The following CAPN15 variants were observed in gnomAD, a reference collection of about 807,000 sequenced individuals.
The protein encoded by CAPN15 is calpain-15.
Under a neutral mutation model 97.9 loss-of-function variants are expected in CAPN15, and 53 were observed. The ratio of observed to expected loss-of-function variants is 0.54; its 90% CI spans 0.43 to 0.68. CAPN15 has a LOEUF of 0.68. Ranked by LOEUF, CAPN15 falls within the 30% of genes least tolerant of loss-of-function variation. The pLI is 0.00. For synonymous variants in CAPN15, 922 were observed against 722.5 expected (o/e 1.28, Z -4.43); for missense variants, 1,592 against 1,589.8 (o/e 1.00, Z -0.02).
intron 4 of CAPN15, 120 bp downstream of exon 4, chr16:548,407 G>C (rs1047746578): frequency 9.6e-7 from 1 of 1,039,130 alleles, no homozygotes; most frequent in South Asian, 1.8e-5. Context: ...GACGTGATGG[G>C]GAGGGCAGCA....
In CAPN15 at chr16:547,428, C is replaced by T. The variant is rs1364250372; in HGVS notation, c.590C>T (p.Pro197Leu). The stretch of plus-strand genomic sequence containing the variant: ...GCCCCGGCCGGCTTCCACGTCGTGC[C>T]TGCCGCGCCTCCACCTGGCCTCCCC... Reference protein sequence around the residue: ...VVAPAGFHVVPAAPPPGLPGE... With the variant: ...VVAPAGFHVVLAAPPPGLPGE... The change falls in exon 4 of 14, where the codon CCT becomes CTT. Residue 197 changes from proline to leucine, a missense_variant. Pro to Leu is a moderately conservative substitution (Grantham distance 98). Transcript: ENST00000219611. 5.1e-6 allele frequency: 8 copies of T among 1,579,296 alleles called. No homozygotes were observed. Among genetic ancestry groups the T allele is most frequent in the Non-Finnish European group, 1.7e-6 (2 of 1,170,322 alleles).
intron 9 of CAPN15, 110 bp from the exon 10 acceptor site, chr16:551,941 C>G: frequency 2.4e-6 from 3 of 1,236,980 alleles, no homozygotes; most frequent in Non-Finnish European, 3.5e-6. Context: ...AGGACGGTGA[C>G]GGAGCAGCTG....
chr16:534,392 C>T (rs977474712), intron 2 of CAPN15, among the ~76,000 whole-genome samples: 8 of 152,300 alleles, frequency 5.3e-5, no homozygotes, highest in Non-Finnish European at 7.4e-5. Flanking sequence ...CCCTGGGGAG[C>T]GGCCTGCACC....
Position 552,017 on chromosome 16 carries a change from T to G in CAPN15, c.2346-34T>G. 6.5e-7 allele frequency: 1 copy of G among 1,542,524 alleles called. No homozygotes were observed. Among genetic ancestry groups the G allele is most frequent in the Non-Finnish European group, 8.7e-7 (1 of 1,142,908 alleles). ...TGAGCCACGGAGGTGTGGGCCGTGGTAGGCTCAGGGCCCCGTCCTCCCGCC... is the reference window on the plus strand; with the variant it reads ...TGAGCCACGGAGGTGTGGGCCGTGGGAGGCTCAGGGCCCCGTCCTCCCGCC... On this transcript the variant is annotated intron_variant, in intron 9 of 13. Coordinates refer to ENST00000219611, the MANE Select transcript of CAPN15 (RefSeq NM_005632.3). This position sits in a 1 kb window ranked among gnomAD's most constrained non-coding sequence, Gnocchi z 6.4.
intron 3 of CAPN15, 33 bp downstream of exon 3, chr16:536,175 C>T (rs914596743): frequency 2.5e-5 from 17 of 692,830 alleles, no homozygotes; most frequent in South Asian, 1.3e-4. Flanking sequence ...TCTGGCTGGC[C>T]GCAGCAGGCC....
At chr16:550,645 T>C (rs1166813546) in intron 7 of CAPN15, among the ~76,000 whole-genome samples, 2 of 137,238 alleles carry the variant, frequency 1.5e-5, no homozygotes, top group South Asian at 4.8e-4. Flanking sequence ...TCAGTGAGGG[T>C]TCCCTGTCGG....
At chr16:551,237 C>CCCCGGTCGGTGAGGGT in intron 7 of CAPN15, 65 bp from the exon 8 acceptor site, 1 of 1,358,490 alleles carries the variant, frequency 7.4e-7, no homozygotes, top group Non-Finnish European at 9.7e-7. Context: ...CAGTGAGGGT[C>CCCCGGTCGGTGAGGGT]CCCGGTCGGT....
At position 549,008 on chromosome 16, in the gene CAPN15, G is replaced by A. The variant is rs748393081; in HGVS notation, c.1465G>A (p.Val489Met). 19 of 1,612,598 alleles carry A rather than the reference G, an allele frequency of 1.2e-5. No homozygotes were observed. The highest frequency in any genetic ancestry group is 1.5e-5 in the Non-Finnish European group (18 of 1,179,930). The change falls in exon 5 of 14, where the codon GTG becomes ATG. Residue 489 changes from valine (V) to methionine (M), a missense_variant. Around this residue, in one of 3 missense-constraint regions of CAPN15, gnomAD observed 883 missense variants for 776.6 expected, o/e 1.14. Transcript: ENST00000219611. Reference sequence around the variant, plus strand: ...GTCTCTGCAGAACAATGTGAGCTTCGTGGATGACAGCTTCCCTCCCGGGCC... The same window carrying A: ...GTCTCTGCAGAACAATGTGAGCTTCATGGATGACAGCTTCCCTCCCGGGCC... ...AFCRENNVSF[V>M]DDSFPPGPES...
At chr16:541,790 C>T (rs1253521658) in intron 3 of CAPN15, among the ~76,000 whole-genome samples, 1 of 152,268 alleles carries the variant, frequency 6.6e-6, no homozygotes, top group Non-Finnish European at 1.5e-5. Flanking sequence ...CCCCAGACGG[C>T]CACTGACCGG....
rs775077138 is a variant in CAPN15 at position 547,989 on chromosome 16, G to A, written c.1151G>A (p.Cys384Tyr). 3.2e-6 allele frequency: 5 copies of A among 1,581,832 alleles called. No homozygotes were observed. In the African/African-American group the frequency reaches 4.0e-5, roughly 13 times the overall value. Residue 384 changes from cysteine to tyrosine, a missense_variant, in exon 4 of 14, where the codon TGT (cysteine) becomes TAT (tyrosine). Physicochemically the swap from Cys to Tyr is radical, Grantham distance 194. Transcript: ENST00000219611. ...HGEPPTHCPD[C>Y]GADKPSPCGR... ...GAGCCCCCCACCCACTGCCCCGACTGTGGGGCCGACAAGCCCAGCCCCTGC... is the reference window on the plus strand; with the variant it reads ...GAGCCCCCCACCCACTGCCCCGACTATGGGGCCGACAAGCCCAGCCCCTGC...
chr16:547,374 C>G lies in CAPN15; in HGVS notation c.536C>G (p.Pro179Arg). The G allele has an allele frequency of 6.4e-7, 1 of 1,555,614 alleles. No individual in the cohort carries two copies. Among genetic ancestry groups the G allele is most frequent in the Non-Finnish European group, 8.6e-7 (1 of 1,157,834 alleles). The change falls in exon 4 of 14, where the codon CCT becomes CGT. Residue 179 changes from proline (P) to arginine (R), a missense_variant. Pro to Arg is a moderately radical substitution (Grantham distance 103). This residue lies in a region of CAPN15 where 883 missense variants were observed against 776.6 expected (regional missense o/e 1.14). Transcript: ENST00000219611. ...AGGCTCTCGCTGCCACGGATCCCTC[C>G]TGAGGCCCTGGTGGTCCCGGAAGTG... ...PRRLSLPRIP[P>R]EALVVPEVVA...
At position 549,155 on chromosome 16, in the gene CAPN15, A is replaced by T; in HGVS notation, c.1612A>T (p.Thr538Ser). The T allele has an allele frequency of 6.3e-7, 1 of 1,585,532 alleles. No homozygotes were observed. The highest frequency in any genetic ancestry group is 8.6e-7 in the Non-Finnish European group (1 of 1,166,248). ...DHRATWSVFH[T>S]LRPSDILQGL... is the part of the protein sequence containing the mutation. ...CAGGGCCACGTGGTCTGTGTTCCACACACTGCGGCCCTCAGACATCCTGCA... is the reference window on the plus strand; with the variant it reads ...CAGGGCCACGTGGTCTGTGTTCCACTCACTGCGGCCCTCAGACATCCTGCA... The change falls in exon 5 of 14, where the codon ACA becomes TCA. Residue 538 changes from threonine (T) to serine (S), a missense_variant. By Grantham distance (58) the Thr-to-Ser change is moderately conservative. Transcript: ENST00000219611.
At chr16:550,705 G>A (rs1286475051) in intron 7 of CAPN15, among the ~76,000 whole-genome samples, 1 of 150,018 alleles carries the variant, frequency 6.7e-6, no homozygotes, top group African/African-American at 2.5e-5. Context: ...GTCCCGGTCG[G>A]TGAGGGTCCC....
intron 8 of CAPN15, 26 bp from the exon 9 acceptor site, chr16:551,486 C>T (rs375376131): frequency 6.9e-6 from 11 of 1,603,486 alleles, no homozygotes; most frequent in Non-Finnish European, 8.5e-6. Flanking sequence ...CAGTGTGGTT[C>T]AGATCCTCAC....
rs2034722158 is a variant in CAPN15, at chr16:548,016, G to A, written c.1178G>A (p.Gly393Asp). The A allele has an allele frequency of 6.4e-7, 1 of 1,573,150 alleles. No homozygotes were observed. Among genetic ancestry groups the A allele is most frequent in the Non-Finnish European group, 8.6e-7 (1 of 1,161,640 alleles). Residue 393 changes from glycine to aspartate, a missense_variant, in exon 4 of 14, where the codon GGC becomes GAC. Physicochemically the swap from Gly to Asp is moderately conservative, Grantham distance 94. Coordinates refer to ENST00000219611, the MANE Select transcript of CAPN15 (RefSeq NM_005632.3). ...GGGGCCGACAAGCCCAGCCCCTGCG[G>A]CAGAAGCTGCGGACGGGTGTCCTCG... ...DCGADKPSPC[G>D]RSCGRVSSAQ...
rs1402180871 is a variant in CAPN15 at position 549,647 on chromosome 16, C to A, written c.1875C>A (p.Ile625=). 8.4e-6 allele frequency: 13 copies of A among 1,555,334 alleles called. No homozygotes were observed. Among genetic ancestry groups the A allele is most frequent in the African/African-American group, 1.4e-5 (1 of 73,450 alleles). Residue 625 remains isoleucine, a synonymous_variant, in exon 7 of 14, where the codon ATC becomes ATA. Coordinates refer to ENST00000219611, the MANE Select transcript of CAPN15 (RefSeq NM_005632.3). ...GGAAGCAGCTGTGGGTGGCCCTCAT[C>A]GAGAAGGCGCTGGCCAAGCTGCACG... is the stretch of plus-strand genomic sequence containing the variant. The part of the protein sequence containing the change: ...AQRKQLWVAL[I]EKALAKLHGS...
At chr16:550,736 C>T (rs533129518) in intron 7 of CAPN15, among the ~76,000 whole-genome samples, 1,265 of 124,462 alleles carry the variant, frequency 0.01, 26 homozygotes, top group East Asian at 0.018. Flanking sequence ...GGGTCCCCGT[C>T]GGTGAGGGTC....
chr16:540,182 G>A (rs940456163), intron 3 of CAPN15: 49 of 985,326 alleles, frequency 5.0e-5, no homozygotes, highest in Middle Eastern at 5.2e-4. Context: ...GCCGCCGGCC[G>A]GGGGGCCATG....
chr16:543,804 G>A (rs538514466), intron 3 of CAPN15, among the ~76,000 whole-genome samples: 29 of 152,274 alleles, frequency 1.9e-4, no homozygotes, highest in African/African-American at 2.6e-4. Flanking sequence ...GAGGGTCAGC[G>A]CGACAGCCCT....
Sources: allele counts gnomAD v4.1 joint callset (sites outside exome capture counted in the v4.1 genomes callset), GRCh38; gene constraint gnomAD v4.1.1; regional missense constraint gnomAD v4.1.1; non-coding constraint Gnocchi (gnomAD v3.1); transcripts MANE v1.5; gene names NCBI Gene and HGNC (gene_info 2026-07-23, HGNC 2026-07-21).